The following EYS variants were observed in gnomAD, a reference collection of about 807,000 sequenced individuals.
EYS encodes the protein protein eyes shut homolog.
In EYS, 250 loss-of-function variants were observed where a neutral mutation model predicts 282.1. The ratio of observed to expected loss-of-function variants is 0.89; its 90% CI spans 0.80 to 0.98. The LOEUF is 0.98. Ranked by LOEUF, EYS falls within the 50% of genes least tolerant of loss-of-function variation. The pLI, the probability that EYS is intolerant of heterozygous loss-of-function variation, is 0.00. For synonymous variants in EYS, 1,355 were observed against 1,282.9 expected (o/e 1.06, Z -1.20); for missense variants, 4,016 against 3,709.0 (o/e 1.08, Z -2.15).
intron 22 of EYS, among the ~76,000 whole-genome samples, chr6:64,680,749 C>G (rs768232059): frequency 5.3e-5 from 8 of 152,118 alleles, no homozygotes; most frequent in Non-Finnish European, 8.8e-5. Context: ...TTTGCTTGTA[C>G]TGTGGGGGTT....
chr6:64,875,535 G>A (rs962853878), intron 19 of EYS, among the ~76,000 whole-genome samples: 21 of 151,984 alleles, frequency 1.4e-4, no homozygotes, highest in African/African-American at 4.3e-4. Flanking sequence ...TAAAGTGCTC[G>A]CTGAGTCTTT....
At chr6:64,918,920 T>A (rs1768247454) in intron 15 of EYS, among the ~76,000 whole-genome samples, 1 of 152,206 alleles carries the variant, frequency 6.6e-6, no homozygotes, top group Non-Finnish European at 1.5e-5. Flanking sequence ...AAAATTCAAG[T>A]ACCATTCTAA....
chr6:65,583,377 T>C (rs1426482092), intron 2 of EYS, among the ~76,000 whole-genome samples: 2 of 152,102 alleles, frequency 1.3e-5, no homozygotes, highest in East Asian at 3.8e-4. Flanking sequence ...ACTATGCTTT[T>C]CGTTAAGTAA....
intron 2 of EYS, among the ~76,000 whole-genome samples, chr6:65,631,836 A>T (rs1200562711): frequency 1.3e-5 from 2 of 152,260 alleles, no homozygotes; most frequent in Middle Eastern, 3.4e-3. Flanking sequence ...ATTATTATGG[A>T]TGTTAGAGTT....
At position 65,029,938 on chromosome 6, in the gene EYS, C is replaced by G. The variant is rs534675205; in HGVS notation, c.2137+27676G>C. ...GTGAGACAAATAAGCGAGGATGGCC[C>G]ACTCTCACTATGGAACACCAGAATG... On this transcript the variant is annotated intron_variant, in intron 13 of 42. Coordinates refer to ENST00000503581, the MANE Select transcript of EYS (RefSeq NM_001142800.2). Among the ~76,000 whole-genome samples the G allele has an allele frequency of 5.3e-5, 8 of 152,174 alleles. 1 individual carries two copies. Among genetic ancestry groups the G allele is most frequent in the African/African-American group, 1.9e-4 (8 of 41,510 alleles).
intron 15 of EYS, among the ~76,000 whole-genome samples, chr6:64,923,722 C>G (rs1768425444): frequency 6.6e-6 from 1 of 152,146 alleles, no homozygotes; most frequent in Non-Finnish European, 1.5e-5. Flanking sequence ...GTTACAGGGC[C>G]CATGCAAGTT....
intron 31 of EYS, among the ~76,000 whole-genome samples, chr6:64,091,309 G>A (rs1348612976): frequency 6.6e-6 from 1 of 152,038 alleles, no homozygotes; most frequent in Non-Finnish European, 1.5e-5. Flanking sequence ...TACTTTTAAA[G>A]TATACTTTGT....
At chr6:64,353,419 T>C (rs1238272290) in intron 29 of EYS, among the ~76,000 whole-genome samples, 3 of 151,610 alleles carry the variant, frequency 2.0e-5, no homozygotes, top group East Asian at 3.9e-4. Context: ...GATTAGGCAT[T>C]TGAAAATTCT....
At chr6:64,007,170 T>G (rs1768388449) in intron 33 of EYS, among the ~76,000 whole-genome samples, 1 of 152,134 alleles carries the variant, frequency 6.6e-6, no homozygotes, top group Non-Finnish European at 1.5e-5. Flanking sequence ...GATTCAACTT[T>G]GAAACACATT....
intron 12 of EYS, among the ~76,000 whole-genome samples, chr6:65,097,689 G>A (rs188136911): frequency 1.8e-4 from 27 of 150,698 alleles, no homozygotes; most frequent in Non-Finnish European, 3.0e-4. Context: ...AGGAAGTCTT[G>A]CTACATGCAA....
chr6:64,137,376 A>T (rs1774196424), intron 31 of EYS, among the ~76,000 whole-genome samples: 1 of 152,134 alleles, frequency 6.6e-6, no homozygotes, highest in Non-Finnish European at 1.5e-5. Context: ...TTCCTTCAAG[A>T]TCTTTTCCTT....
chr6:65,516,954 T>C (rs1227351028), intron 2 of EYS, among the ~76,000 whole-genome samples: 3 of 152,024 alleles, frequency 2.0e-5, no homozygotes, highest in Non-Finnish European at 4.4e-5. Context: ...ACTATGACAC[T>C]GTATGATGTT....
At chr6:64,895,056 T>C (rs966600025) in intron 18 of EYS, among the ~76,000 whole-genome samples, 4 of 152,160 alleles carry the variant, frequency 2.6e-5, no homozygotes, top group African/African-American at 9.6e-5. Context: ...GTGGTACTTG[T>C]AGTGATTGGT....
chr6:65,023,693 T>C (rs1466815852), intron 13 of EYS, among the ~76,000 whole-genome samples: 1 of 152,224 alleles, frequency 6.6e-6, no homozygotes, highest in Non-Finnish European at 1.5e-5. Context: ...CACAGAAATT[T>C]CTTCCATAGA....
At chr6:64,394,859 A>G (rs1773302638) in intron 28 of EYS, among the ~76,000 whole-genome samples, 1 of 152,224 alleles carries the variant, frequency 6.6e-6, no homozygotes, top group South Asian at 2.1e-4. Flanking sequence ...ACAAAATGGG[A>G]GAAAATTTTT....
intron 2 of EYS, among the ~76,000 whole-genome samples, chr6:65,615,716 T>C (rs1009787398): frequency 3.3e-5 from 5 of 151,948 alleles, no homozygotes; most frequent in South Asian, 2.1e-4. Context: ...GGGCAGATCA[T>C]GAGGTCAGGA....
chr6:65,295,710 G>C, intron 12 of EYS, 153 bp downstream of exon 12: 1 of 582,864 alleles, frequency 1.7e-6, no homozygotes. Flanking sequence ...TTATTCAAGT[G>C]AATGCATTTT....
At chr6:64,193,813 C>A (rs1765193235) in intron 31 of EYS, among the ~76,000 whole-genome samples, 1 of 152,068 alleles carries the variant, frequency 6.6e-6, no homozygotes, top group African/African-American at 2.4e-5. Context: ...ATCCATGTCC[C>A]TACAAAGGAC....
At chr6:64,191,575 G>A (rs1453148976) in intron 31 of EYS, among the ~76,000 whole-genome samples, 9 of 151,338 alleles carry the variant, frequency 5.9e-5, no homozygotes, top group Non-Finnish European at 7.4e-5. Flanking sequence ...GAGAATATGC[G>A]GTGTTTGGCT....
Sources: gnomAD v4.1 joint callset for allele counts (sites outside exome capture counted in the v4.1 genomes callset) on GRCh38, gnomAD v4.1.1 for gene constraint, MANE v1.5 for transcripts, NCBI Gene and HGNC (gene_info 2026-07-23, HGNC 2026-07-21) for gene names.